KIAA1549L: variants seen among roughly 807,000 people sequenced by gnomAD.
The protein encoded by KIAA1549L is UPF0606 protein KIAA1549L.
A neutral mutation model predicts 160.7 loss-of-function variants in KIAA1549L; 88 were observed. The ratio of observed to expected loss-of-function variants is 0.55; its 90% CI spans 0.46 to 0.65. KIAA1549L has a LOEUF of 0.65. Among genes scored for constraint, KIAA1549L ranks in the 30% least tolerant of loss-of-function variants. The pLI is 0.00. For missense variants in KIAA1549L, 2,258 were observed against 2,437.5 expected, an observed-to-expected ratio of 0.93 and a Z score of 1.55; for synonymous variants, 950 against 976.7, an observed-to-expected ratio of 0.97 and a Z score of 0.51.
At chr11:33,562,395 A>G (rs557899183) in intron 8 of KIAA1549L, among the ~76,000 whole-genome samples, 2 of 152,366 alleles carry the variant, frequency 1.3e-5, no homozygotes, top group Non-Finnish European at 2.9e-5. Flanking sequence ...GGAGAAGTAT[A>G]TGAGTCTACT....
chr11:33,553,673 G>A (rs968155935), intron 6 of KIAA1549L, among the ~76,000 whole-genome samples: 3 of 152,168 alleles, frequency 2.0e-5, no homozygotes, highest in Non-Finnish European at 4.4e-5. Context: ...TCTCTTGTGG[G>A]AACTCTTTTT....
chr11:33,619,073 T>G (rs1850895725), intron 16 of KIAA1549L, among the ~76,000 whole-genome samples: 2 of 152,238 alleles, frequency 1.3e-5, no homozygotes, highest in South Asian at 4.1e-4. Context: ...TCATAACTCC[T>G]CGGTATGCCA....
chr11:33,660,460 G>A (rs934157638), intron 19 of KIAA1549L, among the ~76,000 whole-genome samples: 2 of 152,198 alleles, frequency 1.3e-5, no homozygotes, highest in African/African-American at 4.8e-5. Flanking sequence ...AGTTACTCAG[G>A]AGGCTGACGC....
chr11:33,603,728 C>T (rs1034368850), intron 13 of KIAA1549L, among the ~76,000 whole-genome samples: 1 of 151,860 alleles, frequency 6.6e-6, no homozygotes, highest in Non-Finnish European at 1.5e-5. Context: ...ATCCCTTGAA[C>T]CCAGGAGGCG....
intron 15 of KIAA1549L, among the ~76,000 whole-genome samples, chr11:33,617,133 C>CAAA (rs59233344): frequency 8.4e-4 from 75 of 89,576 alleles, no homozygotes; most frequent in African/African-American, 2.6e-3. Flanking sequence ...GAGATTCTAT[C>CAAA]AAAAAAAAAA....
At chr11:33,393,396 T>C (rs913851230) in intron 1 of KIAA1549L, among the ~76,000 whole-genome samples, 1 of 152,150 alleles carries the variant, frequency 6.6e-6, no homozygotes, top group African/African-American at 2.4e-5. Flanking sequence ...TCCTGGCCCG[T>C]CTCCTTCATC....
chr11:33,662,971 C>A (rs1442611086), intron 20 of KIAA1549L, among the ~76,000 whole-genome samples: 1 of 152,170 alleles, frequency 6.6e-6, no homozygotes, highest in African/African-American at 2.4e-5. Context: ...ATGATTGCTG[C>A]AGCCTAATTG....
intron 9 of KIAA1549L, among the ~76,000 whole-genome samples, chr11:33,571,990 G>A (rs7118012): frequency 0.099 from 15,020 of 151,652 alleles, 2,499 homozygotes; most frequent in African/African-American, 0.34. Flanking sequence ...ACGTCAAAAA[G>A]CCCTTGTTTT....
At chr11:33,377,174 T>C (rs1849973329) in intron 1 of KIAA1549L, among the ~76,000 whole-genome samples, 1 of 152,214 alleles carries the variant, frequency 6.6e-6, no homozygotes, top group Admixed American at 6.5e-5. Context: ...TAGGACACCT[T>C]AAACGGGAAA....
At chr11:33,454,355 T>C (rs1042262237) in intron 1 of KIAA1549L, among the ~76,000 whole-genome samples, 1 of 152,172 alleles carries the variant, frequency 6.6e-6, no homozygotes, top group African/African-American at 2.4e-5. Flanking sequence ...CAAGCACCTT[T>C]TGAAAACAAG....
At chr11:33,448,599 A>G (rs1851662033) in intron 1 of KIAA1549L, among the ~76,000 whole-genome samples, 1 of 152,132 alleles carries the variant, frequency 6.6e-6, no homozygotes, top group Non-Finnish European at 1.5e-5. Context: ...TTGTACTGCT[A>G]CACTCCAGGG....
At chr11:33,505,738 G>A (rs1853069567) in intron 1 of KIAA1549L, among the ~76,000 whole-genome samples, 1 of 152,166 alleles carries the variant, frequency 6.6e-6, no homozygotes, top group Admixed American at 6.5e-5. Flanking sequence ...GTAAAAAGGA[G>A]TCTTCCCTTT....
intron 12 of KIAA1549L, 81 bp downstream of exon 12, chr11:33,591,502 A>AG: frequency 9.0e-7 from 1 of 1,113,134 alleles, no homozygotes; most frequent in Non-Finnish European, 1.3e-6. Context: ...CCTCAAGTTA[A>AG]TTCCACGGTT....
At chr11:33,663,515 T>C (rs1207322210) in intron 20 of KIAA1549L, among the ~76,000 whole-genome samples, 2 of 152,180 alleles carry the variant, frequency 1.3e-5, no homozygotes, top group Non-Finnish European at 2.9e-5. Context: ...TGGGATCAGG[T>C]ATCCCTTGCC....
At chr11:33,558,323 G>A (rs1370560770) in intron 6 of KIAA1549L, among the ~76,000 whole-genome samples, 4 of 152,194 alleles carry the variant, frequency 2.6e-5, no homozygotes, top group Non-Finnish European at 5.9e-5. Context: ...CTAACAGCTG[G>A]GACCCGATGG....
At chr11:33,625,530 T>C (rs1044671178) in intron 16 of KIAA1549L, among the ~76,000 whole-genome samples, 17 of 152,204 alleles carry the variant, frequency 1.1e-4, no homozygotes, top group Non-Finnish European at 2.2e-4. Context: ...CATTTTTTCA[T>C]GTGTTTTTTG....
At chr11:33,380,089 G>T (rs7933529) in intron 1 of KIAA1549L, among the ~76,000 whole-genome samples, 13,993 of 152,270 alleles carry the variant, frequency 0.092, 687 homozygotes, top group South Asian at 0.13. Context: ...AGGGTTCTTT[G>T]TGGTCAGAGC....
At chr11:33,657,544 C>T (rs1852107954) in intron 18 of KIAA1549L, among the ~76,000 whole-genome samples, 1 of 152,124 alleles carries the variant, frequency 6.6e-6, no homozygotes. Context: ...TGCCTGTAAT[C>T]CCAGCACTTT....
chr11:33,377,823 T>C (rs999436002), intron 1 of KIAA1549L, among the ~76,000 whole-genome samples: 2 of 152,196 alleles, frequency 1.3e-5, no homozygotes, highest in Non-Finnish European at 2.9e-5. Flanking sequence ...AAATTCCTAA[T>C]TGTAAAGGGG....
Sources: gnomAD v4.1 joint callset for allele counts (sites outside exome capture counted in the v4.1 genomes callset) on GRCh38, gnomAD v4.1.1 for gene constraint, MANE v1.5 for transcripts, NCBI Gene and HGNC (gene_info 2026-07-23, HGNC 2026-07-21) for gene names.